Variants in CACNA2D1 observed in about 807,000 individuals in gnomAD.
The protein encoded by CACNA2D1 is calcium voltage-gated channel auxiliary subunit alpha2delta 1, also known as voltage-dependent calcium channel subunit alpha-2/delta-1.
A neutral mutation model predicts 171.5 loss-of-function variants in CACNA2D1; 53 were observed. That is an observed-to-expected ratio of 0.31 (90% CI 0.25 to 0.39). The LOEUF (loss-of-function observed/expected upper bound fraction) is 0.39, where lower values mean the gene tolerates loss of function less well. Among genes scored for constraint, CACNA2D1 ranks in the 10% least tolerant of loss-of-function variants. CACNA2D1 has a pLI of 1.00. For synonymous variants in CACNA2D1, 442 were observed against 443.1 expected, an observed-to-expected ratio of 1.00 and a Z score of 0.03; for missense variants, 903 against 1,299.8, an observed-to-expected ratio of 0.69 and a Z score of 4.69.
At chr7:82,439,484 A>G (rs1830339873) in intron 1 of CACNA2D1, among the ~76,000 whole-genome samples, 1 of 151,854 alleles carries the variant, frequency 6.6e-6, no homozygotes, top group Admixed American at 6.6e-5. Flanking sequence ...TTCAAATTTT[A>G]TGTATATTTA....
intron 2 of CACNA2D1, among the ~76,000 whole-genome samples, chr7:82,347,512 T>C (rs1000271937): frequency 1.3e-5 from 2 of 152,142 alleles, no homozygotes; most frequent in African/African-American, 2.4e-5. Flanking sequence ...TAAGCTCCTG[T>C]ATTTATTCAA....
At chr7:82,147,288 T>C (rs373029977) in intron 4 of CACNA2D1, among the ~76,000 whole-genome samples, 2 of 152,110 alleles carry the variant, frequency 1.3e-5, no homozygotes, top group East Asian at 3.9e-4. Context: ...TAAACTTTAA[T>C]AGGAATCTGC....
intron 3 of CACNA2D1, among the ~76,000 whole-genome samples, chr7:82,192,399 A>AATATATATATATAT (rs57832901): frequency 5.5e-5 from 8 of 146,620 alleles, no homozygotes; most frequent in Non-Finnish European, 6.0e-5. Context: ...AAACAGGGGA[A>AATATATATATATAT]ATATATATAT....
At chr7:82,000,046 G>T (rs1407462881) in intron 18 of CACNA2D1, among the ~76,000 whole-genome samples, 1 of 151,968 alleles carries the variant, frequency 6.6e-6, no homozygotes, top group Non-Finnish European at 1.5e-5. Context: ...GGATCACGAG[G>T]TCAGGAGATC....
intron 1 of CACNA2D1, among the ~76,000 whole-genome samples, chr7:82,367,879 C>A (rs1821920632): frequency 6.6e-6 from 1 of 151,670 alleles, no homozygotes; most frequent in African/African-American, 2.4e-5. Context: ...CATAAAGTTT[C>A]TTTTAAAGTT....
chr7:81,950,108 A>G lies in CACNA2D1; in HGVS notation c.*284T>C. 1 of 441,192 alleles carries G rather than the reference A, an allele frequency of 2.3e-6. No individual in the cohort carries two copies. The highest frequency in any genetic ancestry group is 3.8e-5 in the East Asian group (1 of 26,180). The allele number at this position is 441,192 out of a possible 1,614,324, so 27.3% of individuals were successfully genotyped here. On this transcript the variant is annotated 3_prime_UTR_variant, in exon 39 of 39. Transcript: ENST00000356860. ...AACCCTTTCACATGTAATCACCAAC[A>G]ATGCAACAACAAACTCCCAAATTTT... is the stretch of plus-strand genomic sequence containing the variant.
intron 10 of CACNA2D1, among the ~76,000 whole-genome samples, chr7:82,042,089 T>G (rs990268387): frequency 6.6e-6 from 1 of 152,120 alleles, no homozygotes; most frequent in South Asian, 2.1e-4. Flanking sequence ...TTACTATAAT[T>G]GCACTCATAG....
At chr7:82,350,594 G>T (rs1384370907) in intron 1 of CACNA2D1, among the ~76,000 whole-genome samples, 1 of 152,166 alleles carries the variant, frequency 6.6e-6, no homozygotes, top group Non-Finnish European at 1.5e-5. Context: ...GAACCCAAGA[G>T]GCGGAGCTTG....
intron 3 of CACNA2D1, among the ~76,000 whole-genome samples, chr7:82,317,555 C>G (rs996648985): frequency 6.6e-6 from 1 of 152,128 alleles, no homozygotes; most frequent in Non-Finnish European, 1.5e-5. Context: ...TGACTAAAAC[C>G]TAGTAACTTT....
In CACNA2D1 at chr7:82,266,900, G is replaced by A. The variant is rs556480939; in HGVS notation, c.294+68235C>T. Reference sequence around the variant, plus strand: ...GAAGAACTGTACTACCTTAAAGAAAGCCGAATCTAAAAAGTATTTGATTTG... The same window carrying A: ...GAAGAACTGTACTACCTTAAAGAAAACCGAATCTAAAAAGTATTTGATTTG... On this transcript the variant is annotated intron_variant, in intron 3 of 38. Transcript: ENST00000356860. Among the ~76,000 whole-genome samples, 12 of 152,260 alleles carry A rather than the reference G, an allele frequency of 7.9e-5. No homozygotes were observed. In the South Asian group the frequency reaches 2.5e-3, roughly 32 times the overall value.
intron 3 of CACNA2D1, among the ~76,000 whole-genome samples, chr7:82,296,419 T>C (rs933818774): frequency 6.6e-6 from 1 of 152,152 alleles, no homozygotes; most frequent in Admixed American, 6.5e-5. Flanking sequence ...CTATAGCTGT[T>C]ACAAGTAAGT....
intron 3 of CACNA2D1, among the ~76,000 whole-genome samples, chr7:82,270,640 GT>G (rs1469411862): frequency 1.3e-5 from 2 of 152,056 alleles, no homozygotes; most frequent in African/African-American, 4.8e-5. Context: ...TTCCAAAGTG[GT>G]TTCTGTGAAA....
intron 3 of CACNA2D1, among the ~76,000 whole-genome samples, chr7:82,309,188 C>T (rs1432516253): frequency 1.3e-5 from 2 of 152,026 alleles, no homozygotes; most frequent in Non-Finnish European, 2.9e-5. Context: ...GGTGGATCAC[C>T]TGAGGTCAGG....
intron 6 of CACNA2D1, among the ~76,000 whole-genome samples, chr7:82,108,907 G>A (rs187651532): frequency 2.0e-5 from 3 of 152,052 alleles, no homozygotes; most frequent in East Asian, 1.9e-4. Context: ...TTCCCTGCTC[G>A]CACCTAATGA....
At chr7:82,047,400 AT>A (rs1562920351) in intron 10 of CACNA2D1, among the ~76,000 whole-genome samples, 3 of 152,164 alleles carry the variant, frequency 2.0e-5, no homozygotes, top group African/African-American at 7.2e-5. Flanking sequence ...TACTTGGAAA[AT>A]TCCCTAGTTG....
At chr7:82,105,131 A>C (rs573910666) in intron 6 of CACNA2D1, among the ~76,000 whole-genome samples, 5 of 152,094 alleles carry the variant, frequency 3.3e-5, no homozygotes, top group Non-Finnish European at 5.9e-5. Flanking sequence ...AAAAACTGTT[A>C]CTGAAGGTAA....
intron 4 of CACNA2D1, among the ~76,000 whole-genome samples, chr7:82,156,265 C>G (rs1227393957): frequency 2.0e-5 from 3 of 152,042 alleles, no homozygotes; most frequent in African/African-American, 7.2e-5. Flanking sequence ...GTCATCATGG[C>G]TATTTAGTTA....
intron 3 of CACNA2D1, among the ~76,000 whole-genome samples, chr7:82,306,604 C>A (rs1446927101): frequency 6.6e-6 from 1 of 152,148 alleles, no homozygotes; most frequent in East Asian, 1.9e-4. Context: ...GAAATACCAT[C>A]CTTAACCTGT....
intron 3 of CACNA2D1, among the ~76,000 whole-genome samples, chr7:82,293,861 A>G (rs1433890504): frequency 6.6e-6 from 1 of 152,204 alleles, no homozygotes; most frequent in Non-Finnish European, 1.5e-5. Context: ...TTCCAGAGAT[A>G]TGAGGTGCAA....
Sources: gnomAD v4.1 joint callset for allele counts (sites outside exome capture counted in the v4.1 genomes callset) on GRCh38, gnomAD v4.1.1 for gene constraint, MANE v1.5 for transcripts, NCBI Gene and HGNC (gene_info 2026-07-23, HGNC 2026-07-21) for gene names.